The following MRPS28 variants were observed in gnomAD, a reference collection of about 807,000 sequenced individuals.
MRPS28 encodes small ribosomal subunit protein bS1m.
In MRPS28, 7 loss-of-function variants were observed where a neutral mutation model predicts 10.8. The ratio of observed to expected loss-of-function variants is 0.65; its 90% CI spans 0.37 to 1.22. MRPS28 has a LOEUF of 1.22. Ranked by LOEUF, MRPS28 falls within the 50% of genes most tolerant of loss-of-function variation. The pLI is 0.02. For synonymous variants in MRPS28, 121 were observed against 93.3 expected (o/e 1.30, Z -1.71); for missense variants, 265 against 232.9 (o/e 1.14, Z -0.90).
rs139730660 is a variant in MRPS28, at chr8:80,019,406, G to A, written c.213+10630C>T. Among the ~76,000 whole-genome samples, 961 of 149,614 alleles carry A rather than the reference G, an allele frequency of 6.4e-3. 32 individuals carry two copies. Among genetic ancestry groups the A allele is most frequent in the Admixed American group, 0.043 (636 of 14,928 alleles). Reference sequence around the variant, plus strand: ...GCTAAAGAAGAAAAATCACATGGTCGTATTTCATTTCGTCAAATGGAAAAG... The same window carrying A: ...GCTAAAGAAGAAAAATCACATGGTCATATTTCATTTCGTCAAATGGAAAAG... On this transcript the variant is annotated intron_variant, in intron 1 of 2. Transcript: ENST00000276585.
At position 80,019,433 on chromosome 8, in the gene MRPS28, A is replaced by G. The variant is rs77608985; in HGVS notation, c.213+10603T>C. Among the ~76,000 whole-genome samples, 957 of 151,688 alleles carry G rather than the reference A, an allele frequency of 6.3e-3. 8 individuals are homozygous for G. Among genetic ancestry groups the G allele is most frequent in the African/African-American group, 0.022 (894 of 41,288 alleles). ...ATTTCATTTCGTCAAATGGAAAAGC[A>G]TTTGACAAAACCCAATACCCATTCA... On this transcript the variant is annotated intron_variant, in intron 1 of 2. Coordinates refer to ENST00000276585, the MANE Select transcript of MRPS28 (RefSeq NM_014018.3).
intron 2 of MRPS28, among the ~76,000 whole-genome samples, chr8:79,977,921 T>C (rs1807847062): frequency 6.6e-6 from 1 of 152,084 alleles, no homozygotes; most frequent in Non-Finnish European, 1.5e-5. Context: ...ATTTATGATA[T>C]ATAAATACTT....
At chr8:80,015,403 A>T (rs1809168323) in intron 1 of MRPS28, among the ~76,000 whole-genome samples, 1 of 152,196 alleles carries the variant, frequency 6.6e-6, no homozygotes, top group Non-Finnish European at 1.5e-5. Context: ...AGTGTCCTGG[A>T]GGAAGGGAAA....
intron 1 of MRPS28, among the ~76,000 whole-genome samples, chr8:80,011,137 T>TA (rs201578821): frequency 0.023 from 3,343 of 147,318 alleles, 145 homozygotes; most frequent in African/African-American, 0.082. Flanking sequence ...ATTTTTTTAT[T>TA]TTTATTTTTT....
At chr8:79,942,434 T>C (rs150524693) in intron 2 of MRPS28, among the ~76,000 whole-genome samples, 57 of 152,352 alleles carry the variant, frequency 3.7e-4, no homozygotes, top group African/African-American at 1.3e-3. Context: ...ATGACATCTT[T>C]GGGATTTTGA....
intron 2 of MRPS28, chr8:79,957,886 A>AT (rs1807270677): frequency 6.6e-6 from 1 of 152,524 alleles, no homozygotes; most frequent in African/African-American, 2.4e-5. Context: ...TTAGAGCTGT[A>AT]TAGATTCACA....
intron 2 of MRPS28, among the ~76,000 whole-genome samples, chr8:79,928,061 C>A (rs1293689469): frequency 6.6e-6 from 1 of 152,062 alleles, no homozygotes; most frequent in Non-Finnish European, 1.5e-5. Context: ...TGGTGGCTCA[C>A]ACCTATAATA....
Position 80,030,109 on chromosome 8 carries a change from G to C in MRPS28, c.140C>G (p.Thr47Arg), listed in dbSNP as rs774724455. ...SGSSNAKEPKTRAGGFASALE... is the reference protein window; with the variant it reads ...SGSSNAKEPKRRAGGFASALE... ...CGCGCTCGCGAAACCGCCTGCGCGC[G>C]TCTTAGGCTCCTTGGCATTGGAACT... Residue 47 changes from threonine (T) to arginine (R), a missense_variant, in exon 1 of 3, where the codon ACG becomes AGG. By Grantham distance (71) the Thr-to-Arg change is moderately conservative (BLOSUM62 -1). Coordinates refer to ENST00000276585, the MANE Select transcript of MRPS28 (RefSeq NM_014018.3). 1.6e-5 allele frequency: 25 copies of C among 1,611,986 alleles called. No homozygotes were observed. Among genetic ancestry groups the C allele is most frequent in the Non-Finnish European group, 2.1e-5 (25 of 1,179,950 alleles).
At chr8:79,967,625 T>A (rs1363823782) in intron 2 of MRPS28, among the ~76,000 whole-genome samples, 1 of 152,152 alleles carries the variant, frequency 6.6e-6, no homozygotes, top group Non-Finnish European at 1.5e-5. Flanking sequence ...TCTGATGGAA[T>A]CCTAACACCA....
At chr8:79,944,596 T>C (rs1806852277) in intron 2 of MRPS28, among the ~76,000 whole-genome samples, 1 of 152,054 alleles carries the variant, frequency 6.6e-6, no homozygotes, top group African/African-American at 2.4e-5. Flanking sequence ...AACCTAAGAG[T>C]AGGGCATAGC....
intron 2 of MRPS28, among the ~76,000 whole-genome samples, chr8:79,945,417 A>G (rs556180209): frequency 1.3e-5 from 2 of 152,340 alleles, no homozygotes; most frequent in African/African-American, 4.8e-5. Flanking sequence ...GAAAAAAAGA[A>G]GATATATTCA....
intron 2 of MRPS28, among the ~76,000 whole-genome samples, chr8:79,927,972 AG>A (rs2129877455): frequency 6.6e-6 from 1 of 152,238 alleles, no homozygotes; most frequent in Non-Finnish European, 1.5e-5. Flanking sequence ...AGAAGGGGAA[AG>A]GGTGGAGCAC....
intron 2 of MRPS28, among the ~76,000 whole-genome samples, chr8:79,951,224 T>TG (rs1364792547): frequency 3.3e-5 from 5 of 152,140 alleles, no homozygotes; most frequent in African/African-American, 1.2e-4. Flanking sequence ...ACCCAGGGCT[T>TG]GTTAGTCTAG....
chr8:79,964,801 G>C (rs906920998), intron 2 of MRPS28, among the ~76,000 whole-genome samples: 1 of 152,038 alleles, frequency 6.6e-6, no homozygotes, highest in African/African-American at 2.4e-5. Context: ...ATGAGTGTTA[G>C]CCCCAACACT....
intron 1 of MRPS28, among the ~76,000 whole-genome samples, chr8:80,020,566 T>A (rs2130238101): frequency 6.6e-6 from 1 of 152,344 alleles, no homozygotes; most frequent in East Asian, 1.9e-4. Flanking sequence ...GGAGCCTTTT[T>A]AAAGTATTTC....
chr8:79,967,145 G>C (rs1337811798), intron 2 of MRPS28, among the ~76,000 whole-genome samples: 1 of 152,120 alleles, frequency 6.6e-6, no homozygotes, highest in African/African-American at 2.4e-5. Flanking sequence ...ATGAGAGCAG[G>C]AAGTATTAGT....
chr8:79,965,702 G>A (rs1195569308), intron 2 of MRPS28, among the ~76,000 whole-genome samples: 1 of 151,978 alleles, frequency 6.6e-6, no homozygotes, highest in Non-Finnish European at 1.5e-5. Context: ...CAATGATTCT[G>A]AGAATGCAAA....
At chr8:79,954,171 A>G (rs902644731) in intron 2 of MRPS28, among the ~76,000 whole-genome samples, 4 of 152,126 alleles carry the variant, frequency 2.6e-5, no homozygotes, top group Non-Finnish European at 2.9e-5. Context: ...TGAGCCCAGG[A>G]GTTAGACTCC....
At chr8:80,007,943 A>G (rs960709311) in intron 1 of MRPS28, among the ~76,000 whole-genome samples, 1 of 152,164 alleles carries the variant, frequency 6.6e-6, no homozygotes, top group Non-Finnish European at 1.5e-5. Flanking sequence ...ATATGGAACC[A>G]AAAAAGAGCC....
Sources: gnomAD v4.1 joint callset for allele counts (sites outside exome capture counted in the v4.1 genomes callset) on GRCh38, gnomAD v4.1.1 for gene constraint, MANE v1.5 for transcripts, NCBI Gene and HGNC (gene_info 2026-07-23, HGNC 2026-07-21) for gene names.